SGMS1: variants seen among roughly 807,000 people sequenced by gnomAD.
SGMS1 encodes phosphatidylcholine:ceramide cholinephosphotransferase 1.
Under a neutral mutation model 46.2 loss-of-function variants are expected in SGMS1, and 13 were observed. That is an observed-to-expected ratio of 0.28 (90% CI 0.18 to 0.45). The LOEUF is 0.45. SGMS1 is among the 20% of genes least tolerant of loss of function. The pLI is 1.00. For synonymous variants in SGMS1, 203 were observed against 187.8 expected (o/e 1.08, Z -0.66); for missense variants, 324 against 519.9 (o/e 0.62, Z 3.66).
chr10:50,384,126 T>G (rs1261882772), intron 6 of SGMS1, among the ~76,000 whole-genome samples: 1 of 152,122 alleles, frequency 6.6e-6, no homozygotes, highest in Non-Finnish European at 1.5e-5. Flanking sequence ...GAAACAAATT[T>G]CAATTGTTTA....
chr10:50,499,095 A>G (rs1174147003), intron 3 of SGMS1, among the ~76,000 whole-genome samples: 1 of 152,232 alleles, frequency 6.6e-6, no homozygotes, highest in African/African-American at 2.4e-5. Flanking sequence ...TAAGAATATT[A>G]GAAAACCTGA....
At chr10:50,413,774 T>C (rs1849132230) in intron 6 of SGMS1, among the ~76,000 whole-genome samples, 1 of 152,244 alleles carries the variant, frequency 6.6e-6, no homozygotes, top group African/African-American at 2.4e-5. Flanking sequence ...TTGAAGACTG[T>C]ACTGATCTGA....
chr10:50,413,749 G>A (rs1849131717), intron 6 of SGMS1, among the ~76,000 whole-genome samples: 1 of 152,192 alleles, frequency 6.6e-6, no homozygotes, highest in African/African-American at 2.4e-5. Context: ...AATCACCCAA[G>A]ATCATAACAA....
At chr10:50,566,655 TTTTTA>T (rs1356793263) in intron 2 of SGMS1, among the ~76,000 whole-genome samples, 1 of 152,192 alleles carries the variant, frequency 6.6e-6, no homozygotes, top group Non-Finnish European at 1.5e-5. Context: ...TGCTGGAAAA[TTTTTA>T]TTTTAAATAG....
chr10:50,556,785 T>C (rs1049760944), intron 2 of SGMS1, among the ~76,000 whole-genome samples: 1 of 152,186 alleles, frequency 6.6e-6, no homozygotes, highest in East Asian at 1.9e-4. Context: ...AAAAACAGTA[T>C]TATAATTTTC....
At chr10:50,453,069 G>A (rs1231872328) in intron 5 of SGMS1, among the ~76,000 whole-genome samples, 1 of 152,020 alleles carries the variant, frequency 6.6e-6, no homozygotes, top group East Asian at 1.9e-4. Context: ...AACTTCCAAG[G>A]AAAATGAGTT....
chr10:50,554,479 G>A lies in SGMS1; in HGVS notation c.-588-34558C>T, dbSNP rs543588663. On this transcript the variant is annotated intron_variant, in intron 2 of 10. Transcript: ENST00000361781. Reference sequence around the variant, plus strand: ...ATCCAAATGTCAATGGAGCCAGGCAGGGAAGACAGTTCCAGCTGGCAGGTA... The same window carrying A: ...ATCCAAATGTCAATGGAGCCAGGCAAGGAAGACAGTTCCAGCTGGCAGGTA... Among the ~76,000 whole-genome samples the A allele has an allele frequency of 5.7e-4, 87 of 152,266 alleles. 2 individuals carry two copies. In the South Asian group the frequency reaches 0.018, roughly 32 times the overall value.
intron 6 of SGMS1, among the ~76,000 whole-genome samples, chr10:50,381,082 G>A (rs1848597150): frequency 6.6e-6 from 1 of 150,624 alleles, no homozygotes; most frequent in Non-Finnish European, 1.5e-5. Context: ...TCCTGTCTCA[G>A]CCTCCCAAAT....
At chr10:50,408,755 C>T (rs1849057973) in intron 6 of SGMS1, among the ~76,000 whole-genome samples, 1 of 152,006 alleles carries the variant, frequency 6.6e-6, no homozygotes, top group Non-Finnish European at 1.5e-5. Flanking sequence ...AGTATCCCAG[C>T]TATTGGGTCG....
rs1345194052 is a variant in SGMS1 at position 50,407,075 on chromosome 10, C to T, written c.-232+26401G>A. On this transcript the variant is annotated intron_variant, in intron 6 of 10. Coordinates refer to ENST00000361781, the MANE Select transcript of SGMS1 (RefSeq NM_147156.4). ...TTAAACTACTATGCAGTTTCTGCTCCCAGACTGAACTGATGATATACTCCC... is the reference window on the plus strand; with the variant it reads ...TTAAACTACTATGCAGTTTCTGCTCTCAGACTGAACTGATGATATACTCCC... Among the ~76,000 whole-genome samples the T allele has an allele frequency of 2.0e-5, 3 of 152,046 alleles. No homozygotes were observed. The East Asian group carries it at 5.8e-4, about 29-fold the overall frequency.
At chr10:50,503,303 T>A (rs1837677291) in intron 3 of SGMS1, among the ~76,000 whole-genome samples, 2 of 152,214 alleles carry the variant, frequency 1.3e-5, no homozygotes, top group Admixed American at 6.5e-5. Context: ...ACGCTAATTG[T>A]CCTAAGTGTA....
intron 1 of SGMS1, among the ~76,000 whole-genome samples, chr10:50,612,540 A>T (rs186816290): frequency 6.6e-6 from 1 of 152,332 alleles, no homozygotes; most frequent in East Asian, 1.9e-4. Flanking sequence ...CACAAATGAA[A>T]GGGGAATTTC....
At chr10:50,447,000 T>C (rs1837026828) in intron 5 of SGMS1, among the ~76,000 whole-genome samples, 1 of 152,216 alleles carries the variant, frequency 6.6e-6, no homozygotes, top group South Asian at 2.1e-4. Context: ...CATGTCATTT[T>C]TGAAATATAT....
At chr10:50,596,175 AT>A (rs71457582) in intron 1 of SGMS1, among the ~76,000 whole-genome samples, 2,301 of 139,642 alleles carry the variant, frequency 0.016, 17 homozygotes, top group East Asian at 0.039. Context: ...TTGTATCACG[AT>A]TTTTTTTTTT....
chr10:50,589,581 C>A (rs932914809), intron 2 of SGMS1, among the ~76,000 whole-genome samples: 3 of 152,180 alleles, frequency 2.0e-5, no homozygotes, highest in African/African-American at 7.2e-5. Context: ...GCGATCCTCC[C>A]ACCTCAGCCT....
chr10:50,491,134 C>T (rs1055398469), intron 3 of SGMS1, among the ~76,000 whole-genome samples: 3 of 152,040 alleles, frequency 2.0e-5, no homozygotes, highest in African/African-American at 7.2e-5. Flanking sequence ...ATCAGCTGAG[C>T]CCAGGAGTTC....
rs191513301 is a variant in SGMS1 at position 50,348,370 on chromosome 10, C to G, written c.-231-4025G>C. On this transcript the variant is annotated intron_variant, in intron 6 of 10. Transcript: ENST00000361781. ...GCATTCAAATAGGAAGAGAGTAAGT[C>G]AAATTGTCTCTGTTTGTAGATGACA... is the stretch of plus-strand genomic sequence containing the variant. Among the ~76,000 whole-genome samples the G allele has an allele frequency of 2.2e-4, 34 of 152,242 alleles. No individual in the cohort carries two copies. In the East Asian group the frequency reaches 6.6e-3, roughly 29 times the overall value.
chr10:50,619,229 T>A (rs1838825508), intron 1 of SGMS1, among the ~76,000 whole-genome samples: 1 of 151,760 alleles, frequency 6.6e-6, no homozygotes, highest in African/African-American at 2.4e-5. Context: ...GGGAAATGGG[T>A]AAGTAAAAGT....
At chr10:50,389,552 T>C (rs1315386854) in intron 6 of SGMS1, among the ~76,000 whole-genome samples, 1 of 152,214 alleles carries the variant, frequency 6.6e-6, no homozygotes. Context: ...GAGACTAGGC[T>C]ATGAGAGCAA....
Sources: gnomAD v4.1 joint callset for allele counts (sites outside exome capture counted in the v4.1 genomes callset) on GRCh38, gnomAD v4.1.1 for gene constraint, MANE v1.5 for transcripts, NCBI Gene and HGNC (gene_info 2026-07-23, HGNC 2026-07-21) for gene names.